Variants in TSHZ2 observed in about 807,000 individuals in gnomAD.
TSHZ2 encodes teashirt zinc finger homeobox 2, also known as teashirt homolog 2.
TSHZ2 carries 21 observed loss-of-function variants against 74.4 expected under a neutral mutation model. That is an observed-to-expected ratio of 0.28 (90% CI 0.20 to 0.41). The LOEUF is 0.41. Among genes scored for constraint, TSHZ2 ranks in the 10% least tolerant of loss-of-function variants. TSHZ2 has a pLI of 1.00. For synonymous variants in TSHZ2, 540 were observed against 515.3 expected, an observed-to-expected ratio of 1.05 and a Z score of -0.65; for missense variants, 1,244 against 1,293.5, an observed-to-expected ratio of 0.96 and a Z score of 0.59.
intron 2 of TSHZ2, among the ~76,000 whole-genome samples, chr20:53,458,910 G>A (rs1044420863): frequency 6.6e-6 from 1 of 152,112 alleles, no homozygotes; most frequent in East Asian, 1.9e-4. Context: ...TAGTTTGATT[G>A]CACTGTGGTC....
At chr20:53,217,975 CCTG>C in intron 1 of TSHZ2, among the ~76,000 whole-genome samples, 1 of 152,302 alleles carries the variant, frequency 6.6e-6, no homozygotes, top group East Asian at 1.9e-4. Context: ...GATTCTCCTC[CCTG>C]AACAATACAG....
chr20:53,258,571 A>G (rs183014846), intron 2 of TSHZ2, among the ~76,000 whole-genome samples: 52 of 152,290 alleles, frequency 3.4e-4, no homozygotes, highest in African/African-American at 1.2e-3. Flanking sequence ...AGATAGGGAG[A>G]GGTAAGGAAA....
chr20:53,458,446 C>T (rs1351140693), intron 2 of TSHZ2, among the ~76,000 whole-genome samples: 1 of 152,122 alleles, frequency 6.6e-6, no homozygotes, highest in Non-Finnish European at 1.5e-5. Flanking sequence ...TGATTCTTCT[C>T]TCTTTTTTTC....
At chr20:53,368,909 A>G (rs1981369865) in intron 2 of TSHZ2, among the ~76,000 whole-genome samples, 1 of 152,186 alleles carries the variant, frequency 6.6e-6, no homozygotes, top group South Asian at 2.1e-4. Flanking sequence ...AAACAAATAA[A>G]CATGAACTGG....
intron 1 of TSHZ2, among the ~76,000 whole-genome samples, chr20:53,021,408 A>G (rs1266260923): frequency 1.3e-5 from 2 of 152,164 alleles, no homozygotes; most frequent in South Asian, 2.1e-4. Context: ...AAAGCACACT[A>G]GTTTAAGAAC....
chr20:53,040,154 C>CAGTG (rs1983984922), intron 1 of TSHZ2, among the ~76,000 whole-genome samples: 3 of 152,128 alleles, frequency 2.0e-5, no homozygotes, highest in Admixed American at 2.0e-4. Context: ...GAGAGATGCA[C>CAGTG]AGTGGTGGTG....
intron 2 of TSHZ2, among the ~76,000 whole-genome samples, chr20:53,391,151 T>TTTTGGTTTGG (rs149288139): frequency 1.2e-4 from 18 of 151,056 alleles, no homozygotes; most frequent in African/African-American, 3.9e-4. Flanking sequence ...TTTTGTTTTG[T>TTTTGGTTTGG]TTTGGTTTGG....
chr20:53,433,584 GACACACAC>G (rs59162370), intron 2 of TSHZ2, among the ~76,000 whole-genome samples: 78 of 137,158 alleles, frequency 5.7e-4, no homozygotes, highest in South Asian at 2.4e-3. Context: ...CAGACACACA[GACACACAC>G]ACACACACAC....
chr20:53,088,565 G>A (rs1936962), intron 1 of TSHZ2, among the ~76,000 whole-genome samples: 78,282 of 151,972 alleles, frequency 0.52, 20,206 homozygotes, highest in East Asian at 0.61. Flanking sequence ...CCTTTGTTCC[G>A]CTAAATTGAA....
At chr20:52,985,030 G>C (rs1981702462) in intron 1 of TSHZ2, among the ~76,000 whole-genome samples, 1 of 152,182 alleles carries the variant, frequency 6.6e-6, no homozygotes, top group Non-Finnish European at 1.5e-5. Context: ...AAAAGTGTTG[G>C]GAGCTGCCTA....
At chr20:53,115,720 A>G (rs985198218) in intron 1 of TSHZ2, among the ~76,000 whole-genome samples, 9 of 152,136 alleles carry the variant, frequency 5.9e-5, no homozygotes, top group African/African-American at 2.2e-4. Flanking sequence ...GGGAGGTGGT[A>G]TTTGGGCAAA....
chr20:53,148,651 G>A (rs1323200284), intron 1 of TSHZ2, among the ~76,000 whole-genome samples: 2 of 152,250 alleles, frequency 1.3e-5, no homozygotes, highest in East Asian at 1.9e-4. Flanking sequence ...GGATCATGGG[G>A]TGGGGGTTGA....
At chr20:53,066,127 T>C (rs1363536305) in intron 1 of TSHZ2, among the ~76,000 whole-genome samples, 1 of 152,140 alleles carries the variant, frequency 6.6e-6, no homozygotes, top group Non-Finnish European at 1.5e-5. Flanking sequence ...TGCGTCATGG[T>C]GCGTGTGGAA....
At chr20:53,223,774 G>A (rs951834369) in intron 1 of TSHZ2, among the ~76,000 whole-genome samples, 1 of 152,072 alleles carries the variant, frequency 6.6e-6, no homozygotes. Context: ...GGAAAGAAAG[G>A]GGGAGGTAGC....
chr20:53,270,810 T>A lies in TSHZ2; in HGVS notation c.*8+14239T>A, dbSNP rs140668630. 7.8e-3 allele frequency among the ~76,000 whole-genome samples: 1,194 copies of A among 152,254 alleles called. 10 individuals carry two copies. Among genetic ancestry groups the A allele is most frequent in the African/African-American group, 0.027 (1,121 of 41,534 alleles). ...TTTATCGATGGAGAAAAAAATGATG[T>A]TTCAGGTTATGCTTTTTTCAATGCT... On this transcript the variant is annotated intron_variant, in intron 2 of 2. Coordinates refer to ENST00000371497, the MANE Select transcript of TSHZ2 (RefSeq NM_173485.6).
chr20:53,031,608 C>T (rs891273966), intron 1 of TSHZ2, among the ~76,000 whole-genome samples: 10 of 152,148 alleles, frequency 6.6e-5, no homozygotes, highest in African/African-American at 1.2e-4. Context: ...CTCACACAGA[C>T]GGCAAGGGTG....
intron 1 of TSHZ2, among the ~76,000 whole-genome samples, chr20:53,011,113 GA>G (rs1356641320): frequency 6.6e-6 from 1 of 152,156 alleles, no homozygotes; most frequent in African/African-American, 2.4e-5. Context: ...GTAACTCAGG[GA>G]AAAAATATAC....
At chr20:53,222,952 C>G (rs1007024592) in intron 1 of TSHZ2, among the ~76,000 whole-genome samples, 4 of 152,148 alleles carry the variant, frequency 2.6e-5, no homozygotes, top group African/African-American at 4.8e-5. Context: ...CTACTTGGCA[C>G]CTGTGGCCAT....
intron 1 of TSHZ2, among the ~76,000 whole-genome samples, chr20:53,054,804 T>C (rs1472552265): frequency 6.6e-6 from 1 of 152,196 alleles, no homozygotes; most frequent in Non-Finnish European, 1.5e-5. Flanking sequence ...TTTGTATTCA[T>C]GGGCTATGGG....
Sources: allele counts gnomAD v4.1 joint callset (sites outside exome capture counted in the v4.1 genomes callset), GRCh38; gene constraint gnomAD v4.1.1; transcripts MANE v1.5; gene names NCBI Gene and HGNC (gene_info 2026-07-23, HGNC 2026-07-21).